Variants in ARID1B observed in about 807,000 individuals in gnomAD.
The protein encoded by ARID1B is AT-rich interactive domain-containing protein 1B.
Under a neutral mutation model 212.3 loss-of-function variants are expected in ARID1B, and 30 were observed. The ratio of observed to expected loss-of-function variants is 0.14; its 90% CI spans 0.11 to 0.19. The LOEUF (loss-of-function observed/expected upper bound fraction) is 0.19, where lower values mean the gene tolerates loss of function less well. ARID1B is among the 10% of genes least tolerant of loss of function. The pLI, the probability that ARID1B is intolerant of heterozygous loss-of-function variation, is 1.00. For synonymous variants in ARID1B, 1,402 were observed against 1,301.7 expected, an observed-to-expected ratio of 1.08 and a Z score of -1.66; for missense variants, 2,891 against 3,204.0, an observed-to-expected ratio of 0.90 and a Z score of 2.36.
In ARID1B at chr6:157,198,825, G is replaced by A. The variant is rs2128366018; in HGVS notation, c.4397G>A (p.Gly1466Glu). The change falls in exon 17 of 20, where the codon GGG (glycine) becomes GAG (glutamate). Residue 1466 changes from glycine to glutamate, a missense_variant. Gly to Glu is a moderately conservative substitution (Grantham distance 98). This residue lies in a region of ARID1B where 666 missense variants were observed against 873.5 expected (regional missense o/e 0.76). Coordinates refer to ENST00000636930, the MANE Select transcript of ARID1B (RefSeq NM_001374828.1). ...ASYDRRHEPYGQQYPGQGPPS... is the reference protein window; with the variant it reads ...ASYDRRHEPYEQQYPGQGPPS... ...CCTCATTCCAGGCATGAACCTTATG[G>A]GCAGCAGTATCCAGGCCAAGGCCCT... 6.2e-6 allele frequency: 10 copies of A among 1,612,154 alleles called. No individual in the cohort carries two copies. Among genetic ancestry groups the A allele is most frequent in the Non-Finnish European group, 8.5e-6 (10 of 1,179,150 alleles).
At chr6:156,849,574 C>G (rs1437792251) in intron 2 of ARID1B, among the ~76,000 whole-genome samples, 3 of 152,194 alleles carry the variant, frequency 2.0e-5, no homozygotes, top group Non-Finnish European at 4.4e-5. Context: ...TTAAACACCT[C>G]TTTGTGTAAA....
intron 2 of ARID1B, among the ~76,000 whole-genome samples, chr6:156,890,869 A>C (rs1163575094): frequency 6.6e-6 from 1 of 152,138 alleles, no homozygotes; most frequent in African/African-American, 2.4e-5. Context: ...GAATTTCAGG[A>C]AATTGTGGAG....
intron 4 of ARID1B, among the ~76,000 whole-genome samples, chr6:156,959,851 C>T (rs1261213977): frequency 6.6e-6 from 1 of 151,644 alleles, no homozygotes; most frequent in East Asian, 1.9e-4. Context: ...AGGCTGCTCT[C>T]TCTGGTTTGC....
At position 157,210,355 on chromosome 6, in the gene ARID1B, A is replaced by G. The variant is rs1048070823; in HGVS notation, c.*2464A>G. 8.7e-6 allele frequency: 2 copies of G among 230,286 alleles called. No homozygotes were observed. Among genetic ancestry groups the G allele is most frequent in the Non-Finnish European group, 1.7e-5 (2 of 116,338 alleles). 14.3% of individuals were successfully genotyped at this position (230,286 alleles called of 1,614,324 possible). On this transcript the variant is annotated 3_prime_UTR_variant, in exon 20 of 20. Coordinates refer to ENST00000636930, the MANE Select transcript of ARID1B (RefSeq NM_001374828.1). Reference sequence around the variant, plus strand: ...TAAAAGGTGTATACAAACTCCGAACATATCCAGTATTCCAATTCCTTTGTC... The same window carrying G: ...TAAAAGGTGTATACAAACTCCGAACGTATCCAGTATTCCAATTCCTTTGTC...
intron 8 of ARID1B, among the ~76,000 whole-genome samples, chr6:157,152,883 T>C (rs1439636415): frequency 6.6e-6 from 1 of 152,238 alleles, no homozygotes; most frequent in Non-Finnish European, 1.5e-5. Context: ...TCACAGAGCT[T>C]GTCAGAATGA....
At chr6:156,900,937 A>C (rs1788876358) in intron 2 of ARID1B, among the ~76,000 whole-genome samples, 1 of 152,218 alleles carries the variant, frequency 6.6e-6, no homozygotes, top group Non-Finnish European at 1.5e-5. Context: ...CTGAACTTAG[A>C]AACAAACATA....
At chr6:156,839,813 T>C (rs1783768298) in intron 2 of ARID1B, among the ~76,000 whole-genome samples, 1 of 152,228 alleles carries the variant, frequency 6.6e-6, no homozygotes, top group Admixed American at 6.5e-5. Context: ...ATTCCAGCTC[T>C]GACCAGGAAA....
intron 2 of ARID1B, among the ~76,000 whole-genome samples, chr6:156,852,394 G>A (rs2128109199): frequency 6.6e-6 from 1 of 152,022 alleles, no homozygotes; most frequent in South Asian, 2.1e-4. Context: ...GTTACAGTGA[G>A]CTGTGATGAG....
At chr6:156,855,752 T>C (rs1037033882) in intron 2 of ARID1B, among the ~76,000 whole-genome samples, 7 of 152,152 alleles carry the variant, frequency 4.6e-5, no homozygotes, top group African/African-American at 1.7e-4. Context: ...CATGTGAGTA[T>C]CTTTTTAAAT....
chr6:156,813,637 A>G (rs972084645), intron 1 of ARID1B, among the ~76,000 whole-genome samples: 2 of 152,148 alleles, frequency 1.3e-5, no homozygotes, highest in African/African-American at 4.8e-5. Flanking sequence ...TTCCCTTTAT[A>G]TGATTCTTTT....
chr6:157,154,906 T>TTTTG (rs1316738060), intron 8 of ARID1B, among the ~76,000 whole-genome samples: 1 of 151,848 alleles, frequency 6.6e-6, no homozygotes, highest in Admixed American at 6.6e-5. Context: ...TACTTTTTTG[T>TTTTG]TTTGTTTTGT....
intron 1 of ARID1B, among the ~76,000 whole-genome samples, chr6:156,814,543 A>G (rs901026470): frequency 6.6e-6 from 1 of 152,188 alleles, no homozygotes; most frequent in Non-Finnish European, 1.5e-5. Flanking sequence ...CCGCCTCTAT[A>G]TTCTGGAAGT....
intron 4 of ARID1B, among the ~76,000 whole-genome samples, chr6:156,953,781 C>CA (rs764057815): frequency 5.9e-5 from 9 of 152,298 alleles, no homozygotes; most frequent in Non-Finnish European, 1.3e-4. Flanking sequence ...GCTATGGTGA[C>CA]AGGGTGGGTA....
chr6:156,905,482 T>G (rs899551773), intron 3 of ARID1B, among the ~76,000 whole-genome samples: 3 of 152,216 alleles, frequency 2.0e-5, no homozygotes, highest in Non-Finnish European at 2.9e-5. Flanking sequence ...ACCCACATTA[T>G]GGAAAACAAT....
intron 5 of ARID1B, among the ~76,000 whole-genome samples, chr6:157,097,534 C>T (rs1056784928): frequency 3.3e-5 from 5 of 152,210 alleles, no homozygotes; most frequent in Admixed American, 1.3e-4. Flanking sequence ...AGGGAGTGAG[C>T]ATCCGCATGT....
chr6:156,795,068 C>A (rs908281518), intron 1 of ARID1B, among the ~76,000 whole-genome samples: 2 of 152,106 alleles, frequency 1.3e-5, no homozygotes, highest in African/African-American at 4.8e-5. Flanking sequence ...GGTCGTTGCT[C>A]CCTACCACCG....
intron 2 of ARID1B, among the ~76,000 whole-genome samples, chr6:156,835,578 T>C: frequency 6.6e-6 from 1 of 152,198 alleles, no homozygotes; most frequent in East Asian, 1.9e-4. Context: ...TTCTCGATTT[T>C]CTAAGCTTAT....
chr6:157,204,598 C>T (rs1298113291), intron 19 of ARID1B: 1 of 152,212 alleles, frequency 6.6e-6, no homozygotes, highest in Admixed American at 6.5e-5. Context: ...TTCTGCCTCT[C>T]TCCAGGTTAT....
At chr6:156,842,799 A>G (rs1455305113) in intron 2 of ARID1B, among the ~76,000 whole-genome samples, 2 of 152,198 alleles carry the variant, frequency 1.3e-5, no homozygotes, top group African/African-American at 4.8e-5. Flanking sequence ...CCCTTTTCAT[A>G]TATCATTTCC....
Sources: allele counts gnomAD v4.1 joint callset (sites outside exome capture counted in the v4.1 genomes callset), GRCh38; gene constraint gnomAD v4.1.1; regional missense constraint gnomAD v4.1.1; transcripts MANE v1.5; gene names NCBI Gene and HGNC (gene_info 2026-07-23, HGNC 2026-07-21).